RAD54L2: variants seen among roughly 807,000 people sequenced by gnomAD.
RAD54L2 encodes the protein helicase ARIP4.
In RAD54L2, 27 loss-of-function variants were observed where a neutral mutation model predicts 138.4. The ratio of observed to expected loss-of-function variants is 0.20; its 90% CI spans 0.14 to 0.27. The LOEUF is 0.27. Among genes scored for constraint, RAD54L2 ranks in the 10% least tolerant of loss-of-function variants. RAD54L2 has a pLI of 1.00. For missense variants in RAD54L2, 1,396 were observed against 1,890.2 expected, an observed-to-expected ratio of 0.74 and a Z score of 4.85; for synonymous variants, 644 against 723.2, an observed-to-expected ratio of 0.89 and a Z score of 1.76.
intron 3 of RAD54L2, among the ~76,000 whole-genome samples, chr3:51,615,427 T>C (rs1355485629): frequency 1.3e-5 from 2 of 152,228 alleles, no homozygotes; most frequent in Non-Finnish European, 2.9e-5. Context: ...GGATGATAAA[T>C]AAACATATTG....
chr3:51,629,597 G>T (rs972588930), intron 5 of RAD54L2, 124 bp downstream of exon 5: 6 of 1,242,714 alleles, frequency 4.8e-6, no homozygotes, highest in African/African-American at 4.6e-5. Context: ...GGTGGCTCAC[G>T]CCTGTAATCC....
intron 20 of RAD54L2, among the ~76,000 whole-genome samples, chr3:51,656,983 C>T (rs1165037133): frequency 6.6e-6 from 1 of 152,108 alleles, no homozygotes; most frequent in Non-Finnish European, 1.5e-5. Flanking sequence ...GCAATCCACC[C>T]GCCTTGGCCT....
intron 3 of RAD54L2, among the ~76,000 whole-genome samples, chr3:51,627,247 T>G (rs1339437598): frequency 6.6e-6 from 1 of 152,138 alleles, no homozygotes; most frequent in Non-Finnish European, 1.5e-5. Flanking sequence ...CCATGAAACT[T>G]ACTAACTCTG....
chr3:51,641,924 CT>C, intron 15 of RAD54L2, 57 bp downstream of exon 15: 8 of 1,190,144 alleles, frequency 6.7e-6, no homozygotes, highest in Non-Finnish European at 9.7e-6. Flanking sequence ...TAAGGGTTTC[CT>C]TTCCTTCTCT....
intron 7 of RAD54L2, among the ~76,000 whole-genome samples, chr3:51,633,045 C>A (rs1700889528): frequency 6.6e-6 from 1 of 151,850 alleles, no homozygotes; most frequent in African/African-American, 2.4e-5. Flanking sequence ...CATGGTGAAA[C>A]CCTGTCTCCA....
At chr3:51,649,916 A>G (rs1701385785) in intron 19 of RAD54L2, among the ~76,000 whole-genome samples, 1 of 151,556 alleles carries the variant, frequency 6.6e-6, no homozygotes, top group South Asian at 2.1e-4. Context: ...TAATGATAGG[A>G]TCAAATTCAC....
At chr3:51,601,925 C>T (rs1332942320) in intron 3 of RAD54L2, among the ~76,000 whole-genome samples, 2 of 151,306 alleles carry the variant, frequency 1.3e-5, no homozygotes, top group East Asian at 2.0e-4. Context: ...GGTGCGATCT[C>T]GGCTTACTGC....
chr3:51,659,180 A>G (rs1291988222), intron 21 of RAD54L2, among the ~76,000 whole-genome samples: 1 of 132,622 alleles, frequency 7.5e-6, no homozygotes, highest in East Asian at 2.1e-4. Context: ...ATCTCGGCTC[A>G]CTGTGAGCTC....
At chr3:51,623,020 A>G (rs1700599434) in intron 3 of RAD54L2, among the ~76,000 whole-genome samples, 1 of 152,156 alleles carries the variant, frequency 6.6e-6, no homozygotes, top group South Asian at 2.1e-4. Context: ...CATATAGCAT[A>G]TGTGTTTCCC....
intron 2 of RAD54L2, among the ~76,000 whole-genome samples, chr3:51,542,197 A>G (rs956497008): frequency 3.9e-5 from 6 of 152,218 alleles, no homozygotes; most frequent in African/African-American, 1.4e-4. Context: ...AAATGGGCCT[A>G]ATACAGCCTT....
intron 12 of RAD54L2, 90 bp from the exon 13 acceptor site, chr3:51,639,329 T>C: frequency 3.4e-6 from 5 of 1,459,258 alleles, no homozygotes; most frequent in Non-Finnish European, 3.8e-6. Flanking sequence ...GGGACGTGTG[T>C]GTTTGAGCAA....
At chr3:51,543,445 C>T (rs1698606472) in intron 2 of RAD54L2, among the ~76,000 whole-genome samples, 1 of 151,986 alleles carries the variant, frequency 6.6e-6, no homozygotes, top group African/African-American at 2.4e-5. Flanking sequence ...CCTGTCTCTA[C>T]TAAAAATACA....
chr3:51,632,495 A>G (rs544941331), intron 7 of RAD54L2, among the ~76,000 whole-genome samples: 1 of 147,188 alleles, frequency 6.8e-6, no homozygotes, highest in Non-Finnish European at 1.5e-5. Context: ...GGGTTTCACC[A>G]TGTTCACCAG....
At chr3:51,642,742 G>A (rs915643209) in intron 15 of RAD54L2, among the ~76,000 whole-genome samples, 1 of 152,102 alleles carries the variant, frequency 6.6e-6, no homozygotes, top group African/African-American at 2.4e-5. Flanking sequence ...CCTAATAGAA[G>A]GATTTAGAGA....
intron 2 of RAD54L2, among the ~76,000 whole-genome samples, chr3:51,559,981 G>A (rs759940780): frequency 6.6e-6 from 1 of 152,184 alleles, no homozygotes; most frequent in Non-Finnish European, 1.5e-5. Context: ...GCTGTTGACT[G>A]ATTGCCATGT....
At chr3:51,661,148 G>A (rs1701760493) in intron 22 of RAD54L2, among the ~76,000 whole-genome samples, 1 of 151,986 alleles carries the variant, frequency 6.6e-6, no homozygotes, top group South Asian at 2.1e-4. Flanking sequence ...TTTTTGTAGA[G>A]ATGGGGTTTC....
intron 2 of RAD54L2, among the ~76,000 whole-genome samples, chr3:51,561,772 C>T (rs1417367042): frequency 6.6e-6 from 1 of 152,036 alleles, no homozygotes; most frequent in Non-Finnish European, 1.5e-5. Context: ...CCAGACTGGT[C>T]TTGAATTCCT....
At chr3:51,578,658 G>A (rs1280330850) in intron 2 of RAD54L2, among the ~76,000 whole-genome samples, 1 of 152,226 alleles carries the variant, frequency 6.6e-6, no homozygotes, top group African/African-American at 2.4e-5. Flanking sequence ...GCACTGGTGA[G>A]TGGGTGCAGG....
intron 3 of RAD54L2, among the ~76,000 whole-genome samples, chr3:51,599,418 C>T (rs1434751631): frequency 5.3e-5 from 8 of 151,864 alleles, no homozygotes; most frequent in East Asian, 3.9e-4. Flanking sequence ...GACTTTAAAG[C>T]GGCATAAGAA....
Sources: gnomAD v4.1 joint callset for allele counts (sites outside exome capture counted in the v4.1 genomes callset) on GRCh38, gnomAD v4.1.1 for gene constraint, MANE v1.5 for transcripts, NCBI Gene and HGNC (gene_info 2026-07-23, HGNC 2026-07-21) for gene names.